CNP: variants seen among roughly 807,000 people sequenced by gnomAD.
CNP encodes 2',3'-cyclic nucleotide 3' phosphodiesterase.
A neutral mutation model predicts 37.9 loss-of-function variants in CNP; 8 were observed. The ratio of observed to expected loss-of-function variants is 0.21; its 90% confidence interval spans 0.12 to 0.38. The LOEUF (loss-of-function observed/expected upper bound fraction) is 0.38. Among genes scored for constraint, CNP ranks in the 10% least tolerant of loss-of-function variants. The pLI is 1.00. For missense variants in CNP, 457 were observed against 551.0 expected (o/e 0.83, Z 1.71); for synonymous variants, 237 against 238.3 (o/e 0.99, Z 0.05).
rs1334627897 is a variant in CNP at position 41,966,987 on chromosome 17, CTCCGGGT to C, written c.3+103_3+109del. ...GCGTCTTGCAAACGAGGACCCGGGG[CTCCGGGT>C]TCGACTTCCAGTTTTCTTGGTACTC... On this transcript the variant is annotated intron_variant, in intron 1 of 3. Transcript: ENST00000393892. 2.3e-5 allele frequency: 28 copies of C among 1,229,128 alleles called. No individual in the cohort carries two copies. The African/African-American group carries it at 4.4e-4, about 19-fold the overall frequency. 76.1% of individuals were successfully genotyped at this position (1,229,128 alleles called of 1,614,324 possible).
At chr17:41,967,989 C>G (rs535538058) in intron 1 of CNP, 79 bp from the exon 2 acceptor site, 1 of 1,531,988 alleles carries the variant, frequency 6.5e-7, no homozygotes, top group African/African-American at 1.4e-5. Context: ...GCACCCACAA[C>G]CAGTCTAGGG....
chr17:41,976,397 C>A lies in CNP; in HGVS notation c.*2473C>A. Reference sequence around the variant, plus strand: ...GTCCAGGTCGGGCTCAGCTCTGGCTCACAGACTGGAGACAATGCAGATGCC... The same window carrying A: ...GTCCAGGTCGGGCTCAGCTCTGGCTAACAGACTGGAGACAATGCAGATGCC... On this transcript the variant is annotated 3_prime_UTR_variant, in exon 4 of 4. Coordinates refer to ENST00000393892, the MANE Select transcript of CNP (RefSeq NM_033133.5). The A allele has an allele frequency of 7.2e-6, 2 of 278,372 alleles. No individual in the cohort carries two copies. The highest frequency in any genetic ancestry group is 6.8e-6 in the Non-Finnish European group (1 of 147,978). The allele number at this position is 278,372 out of a possible 1,614,324, so 17.2% of individuals were successfully genotyped here.
In CNP at chr17:41,968,604, G is replaced by T. The variant is rs374696577; in HGVS notation, c.540G>T (p.Gly180=). ...ATGACCTGAAGAAGCTGAAGCCTGG[G>T]CTGGAGAAGGACTTCCTGCCGCTCT... ...SADDLKKLKP[G]LEKDFLPLYF... Residue 180 remains glycine, a synonymous_variant, in exon 2 of 4, where the codon GGG becomes GGT. Coordinates refer to ENST00000393892, the MANE Select transcript of CNP (RefSeq NM_033133.5). This position sits in a 1 kb window ranked among gnomAD's most constrained non-coding sequence, Gnocchi z 4.8. 8.1e-6 allele frequency: 13 copies of T among 1,614,032 alleles called. No individual in the cohort carries two copies. The African/African-American group carries it at 1.6e-4, about 20-fold the overall frequency.
In CNP at chr17:41,969,562, TTTA is replaced by T. The variant is rs1280897220; in HGVS notation, c.676+825_676+827del. On this transcript the variant is annotated intron_variant, in intron 2 of 3. Coordinates refer to ENST00000393892, the MANE Select transcript of CNP (RefSeq NM_033133.5). ...TTCTGGTTGCCTCCAATTTTATTTA[TTTA>T]TTTATTGTGACACGGAGTCTCCCTC... is the stretch of plus-strand genomic sequence containing the variant. Among the ~76,000 whole-genome samples the T allele has an allele frequency of 3.3e-5, 5 of 149,308 alleles. 1 individual carries two copies. The East Asian group carries it at 9.6e-4, about 29-fold the overall frequency.
chr17:41,968,213 A>G lies in CNP; in HGVS notation c.149A>G (p.Lys50Arg), dbSNP rs2050932119. Reference sequence around the variant, plus strand: ...ACAGTGGCCACGCTGCTAGAGTGCAAGACGCTCTTCATCTTGCGCGGCCTG... The same window carrying G: ...ACAGTGGCCACGCTGCTAGAGTGCAGGACGCTCTTCATCTTGCGCGGCCTG... ...EDTVATLLEC[K>R]TLFILRGLPG... The change falls in exon 2 of 4, where the codon AAG becomes AGG. Residue 50 changes from lysine to arginine, a missense_variant. Coordinates refer to ENST00000393892, the MANE Select transcript of CNP (RefSeq NM_033133.5). The surrounding 1 kb of genome is among the most constrained non-coding windows in gnomAD (Gnocchi z 4.8). 1.2e-6 allele frequency: 2 copies of G among 1,614,046 alleles called. No individual in the cohort carries two copies.
In CNP at chr17:41,974,116, C is replaced by G; in HGVS notation, c.*192C>G. The G allele has an allele frequency of 2.2e-6, 1 of 462,002 alleles. No homozygotes were observed. The highest frequency in any genetic ancestry group is 3.6e-6 in the Non-Finnish European group (1 of 278,124). The allele number at this position is 462,002 out of a possible 1,614,324, so 28.6% of individuals were successfully genotyped here. On this transcript the variant is annotated 3_prime_UTR_variant, in exon 4 of 4. Transcript: ENST00000393892. ...GCCCTCTTCCCCTCTAATGCTCACG[C>G]TCCCAACACAAGGTGGGCAGGGAGG... is the stretch of plus-strand genomic sequence containing the variant.
chr17:41,976,835 AT>A lies in CNP; in HGVS notation c.*2913del. The A allele has an allele frequency of 6.3e-7, 1 of 1,581,830 alleles. No individual in the cohort carries two copies. Among genetic ancestry groups the A allele is most frequent in the Non-Finnish European group, 8.6e-7 (1 of 1,167,712 alleles). On this transcript the variant is annotated 3_prime_UTR_variant, in exon 4 of 4. Transcript: ENST00000393892. ...TTCTAAGGAAGATCACTTTGCTCTG[AT>A]TATGGAAAAGTCTTCAAGGGCTGCT...
At chr17:41,967,869 G>A in intron 1 of CNP, 199 bp from the exon 2 acceptor site, 7 of 1,417,692 alleles carry the variant, frequency 4.9e-6, no homozygotes, top group South Asian at 1.6e-5. Context: ...GAAAGCGCAC[G>A]CTTAGGAGAG....
Position 41,966,808 on chromosome 17 carries a change from C to A in CNP, c.-77C>A, listed in dbSNP as rs1387950081. On this transcript the variant is annotated 5_prime_UTR_variant, in exon 1 of 4. Coordinates refer to ENST00000393892, the MANE Select transcript of CNP (RefSeq NM_033133.5). The stretch of plus-strand genomic sequence containing the variant: ...TCGGGTCGTGCCACCGCTGGACTCC[C>A]GTGTCCCTCCGCGCAGGCGGGCGGC... 7.2e-7 allele frequency: 1 copy of A among 1,380,262 alleles called. No homozygotes were observed. Among genetic ancestry groups the A allele is most frequent in the South Asian group, 1.6e-5 (1 of 63,352 alleles). The allele number at this position is 1,380,262 out of a possible 1,614,324, so 85.5% of individuals were successfully genotyped here. A position where few individuals can be genotyped will look rare whatever the true frequency, so the allele number is the denominator to read the frequency against.
At position 41,966,900 on chromosome 17, in the gene CNP, G is replaced by A. The variant is rs1008587787; in HGVS notation, c.3+13G>A. ...CCTCCTCATCATGGTGAGAGGCCGG[G>A]CGGGGCCGGGCACGGGGTAGCACCA... On this transcript the variant is annotated intron_variant, in intron 1 of 3. Coordinates refer to ENST00000393892, the MANE Select transcript of CNP (RefSeq NM_033133.5). The A allele has an allele frequency of 7.4e-7, 1 of 1,342,352 alleles. No homozygotes were observed. The allele number at this position is 1,342,352 out of a possible 1,614,324, so 83.2% of individuals were successfully genotyped here. A position where few individuals can be genotyped will look rare whatever the true frequency, so the allele number is the denominator to read the frequency against.
rs9912559 is a variant in CNP, at chr17:41,973,339, A to G, written c.817-136A>G. 2,586 of 831,948 alleles carry G rather than the reference A, an allele frequency of 3.1e-3. 51 individuals carry two copies. The African/African-American group carries it at 0.039, about 12-fold the overall frequency. 51.5% of individuals were successfully genotyped at this position (831,948 alleles called of 1,614,324 possible). On this transcript the variant is annotated intron_variant, in intron 3 of 3. Coordinates refer to ENST00000393892, the MANE Select transcript of CNP (RefSeq NM_033133.5). ...GCAGTTGTTAGTGGATGCTGGGCCT[A>G]TACCGACCCCTGCTCAGCTGTGCTC... is the stretch of plus-strand genomic sequence containing the variant.
chr17:41,967,338 T>C, intron 1 of CNP: 1 of 157,376 alleles, frequency 6.4e-6, no homozygotes, highest in African/African-American at 2.4e-5. Context: ...CTGCCGTCCC[T>C]TGTGGCTTCT....
Position 41,976,494 on chromosome 17 carries a change from T to G in CNP, c.*2570T>G. ...TTTCTTTTTTAATAAAGTTAAACAG[T>G]AAAACAAAAATTCACAAGCTGCCTC... On this transcript the variant is annotated 3_prime_UTR_variant, in exon 4 of 4. Transcript: ENST00000393892. 2.0e-6 allele frequency: 1 copy of G among 511,666 alleles called. No individual in the cohort carries two copies. Among genetic ancestry groups the G allele is most frequent in the Non-Finnish European group, 3.4e-6 (1 of 295,626 alleles). The allele number at this position is 511,666 out of a possible 1,614,324, so 31.7% of individuals were successfully genotyped here.
Position 41,968,270 on chromosome 17 carries a change from T to G in CNP, c.206T>G (p.Val69Gly). The change falls in exon 2 of 4, where the codon GTC (valine) becomes GGC (glycine). Residue 69 changes from valine to glycine, a missense_variant. Transcript: ENST00000393892. This position sits in a 1 kb window ranked among gnomAD's most constrained non-coding sequence, Gnocchi z 4.8. ...AGCGGCAAGTCCACGCTGGCACGGG[T>G]CATCGTGGACAAGTACCGTGATGGC... ...PGSGKSTLAR[V>G]IVDKYRDGTK... 6.2e-7 allele frequency: 1 copy of G among 1,614,044 alleles called. No individual in the cohort carries two copies. The highest frequency in any genetic ancestry group is 1.1e-5 in the South Asian group (1 of 91,060).
rs1185426938 is a variant in CNP, at chr17:41,976,628, T to A, written c.*2704T>A. On this transcript the variant is annotated 3_prime_UTR_variant, in exon 4 of 4. Transcript: ENST00000393892. ...CATCCAACTGAGAAAACGAAACTGC[T>A]CTAAGCACACGGAGACGTGATGAAG... 6.8e-7 allele frequency: 1 copy of A among 1,473,136 alleles called. No individual in the cohort carries two copies. The highest frequency in any genetic ancestry group is 9.2e-7 in the Non-Finnish European group (1 of 1,085,630). The allele number at this position is 1,473,136 out of a possible 1,614,324, so 91.3% of individuals were successfully genotyped here.
rs879954383 is a variant in CNP, at chr17:41,976,391, C to A, written c.*2467C>A. On this transcript the variant is annotated 3_prime_UTR_variant, in exon 4 of 4. Transcript: ENST00000393892. ...CCCCAAGTCCAGGTCGGGCTCAGCT[C>A]TGGCTCACAGACTGGAGACAATGCA... is the stretch of plus-strand genomic sequence containing the variant. The A allele has an allele frequency of 6.3e-5, 17 of 271,656 alleles. No individual in the cohort carries two copies. The highest frequency in any genetic ancestry group is 5.7e-4 in the South Asian group (14 of 24,550). The allele number at this position is 271,656 out of a possible 1,614,324, so 16.8% of individuals were successfully genotyped here.
Position 41,966,795 on chromosome 17 carries a change from A to C in CNP, c.-90A>C, listed in dbSNP as rs375391099. 2.9e-5 allele frequency: 39 copies of C among 1,335,954 alleles called. 1 individual carries two copies. The South Asian group carries it at 5.8e-4, about 20-fold the overall frequency. 82.8% of individuals were successfully genotyped at this position (1,335,954 alleles called of 1,614,324 possible). ...AAAGCGGCCGGGCTCGGGTCGTGCC[A>C]CCGCTGGACTCCCGTGTCCCTCCGC... On this transcript the variant is annotated 5_prime_UTR_variant, in exon 1 of 4. Coordinates refer to ENST00000393892, the MANE Select transcript of CNP (RefSeq NM_033133.5).
Position 41,976,450 on chromosome 17 carries a change from CATTTT to C in CNP, c.*2530_*2534del. On this transcript the variant is annotated 3_prime_UTR_variant, in exon 4 of 4. Transcript: ENST00000393892. ...AGCAAAGGGCCAGGAAGGGTCAAAA[CATTTT>C]ATTCTCTTTTTTTTTTCTTTTTTAA... The C allele has an allele frequency of 5.2e-6, 2 of 383,654 alleles. No homozygotes were observed. Among genetic ancestry groups the C allele is most frequent in the Non-Finnish European group, 9.1e-6 (2 of 220,948 alleles). 23.8% of individuals were successfully genotyped at this position (383,654 alleles called of 1,614,324 possible).
chr17:41,973,726 G>A lies in CNP; in HGVS notation c.1068G>A (p.Lys356=), dbSNP rs782611282. 1.2e-6 allele frequency: 2 copies of A among 1,611,930 alleles called. No homozygotes were observed. Among genetic ancestry groups the A allele is most frequent in the Admixed American group, 1.7e-5 (1 of 59,906 alleles). The change falls in exon 4 of 4, where the codon AAG becomes AAA. Residue 356 remains lysine, a synonymous_variant. Coordinates refer to ENST00000393892, the MANE Select transcript of CNP (RefSeq NM_033133.5). ...TCTTAGAGATTCTGCGGCAGGAGAAGGGGGGCAGCCGAGGCGAGGAGGTGG... is the reference window on the plus strand; with the variant it reads ...TCTTAGAGATTCTGCGGCAGGAGAAAGGGGGCAGCCGAGGCGAGGAGGTGG... ...LDLLEILRQE[K]GGSRGEEVGE... is the part of the protein sequence containing the mutation.
Sources: allele counts gnomAD v4.1 joint callset (sites outside exome capture counted in the v4.1 genomes callset), GRCh38; gene constraint gnomAD v4.1.1; non-coding constraint Gnocchi (gnomAD v3.1); transcripts MANE v1.5; gene names NCBI Gene and HGNC (gene_info 2026-07-23, HGNC 2026-07-21).